ATP8A2: variants seen among roughly 807,000 people sequenced by gnomAD.
The protein encoded by ATP8A2 is phospholipid-transporting ATPase IB.
ATP8A2 carries 100 observed loss-of-function variants against 165.6 expected under a neutral mutation model. That is an observed-to-expected ratio of 0.60 (90% CI 0.51 to 0.71). The LOEUF is 0.71. Ranked by LOEUF, ATP8A2 falls within the 30% of genes least tolerant of loss-of-function variation. ATP8A2 has a pLI of 0.00. For synonymous variants in ATP8A2, 543 were observed against 548.8 expected, an observed-to-expected ratio of 0.99 and a Z score of 0.15; for missense variants, 1,227 against 1,479.5, an observed-to-expected ratio of 0.83 and a Z score of 2.80.
intron 2 of ATP8A2, among the ~76,000 whole-genome samples, chr13:25,499,833 G>A (rs2036795925): frequency 6.6e-6 from 1 of 152,148 alleles, no homozygotes; most frequent in Non-Finnish European, 1.5e-5. Flanking sequence ...GGAGACATAA[G>A]GAAAAGTTGG....
intron 24 of ATP8A2, among the ~76,000 whole-genome samples, chr13:25,603,027 G>A (rs1047111857): frequency 9.2e-5 from 14 of 152,066 alleles, no homozygotes; most frequent in South Asian, 2.1e-4. Flanking sequence ...AGCCGAGATC[G>A]TGCCACTGCA....
chr13:25,554,519 GTGTGTGTGTA>G lies in ATP8A2; in HGVS notation c.1186-462_1186-453del, dbSNP rs1337675475. ...CTATATAAATATAAATCATGTGTGT[GTGTGTGTGTA>G]TGTGTGTGTGTGTGTGTGTGTGTGT... On this transcript the variant is annotated intron_variant, in intron 12 of 36. Coordinates refer to ENST00000381655, the MANE Select transcript of ATP8A2 (RefSeq NM_016529.6). 3.3e-3 allele frequency among the ~76,000 whole-genome samples: 289 copies of G among 87,602 alleles called. 1 individual carries two copies. The highest frequency in any genetic ancestry group is 6.9e-3 in the African/African-American group (136 of 19,636). 57.5% of individuals were successfully genotyped at this position (87,602 alleles called of 152,430 possible).
At chr13:25,566,597 T>C (rs748417541) in intron 16 of ATP8A2, among the ~76,000 whole-genome samples, 6 of 152,152 alleles carry the variant, frequency 3.9e-5, no homozygotes, top group Non-Finnish European at 7.3e-5. Flanking sequence ...GAGCTTGCTT[T>C]CCTAGATCAA....
chr13:25,800,030 T>G (rs1243322903), intron 27 of ATP8A2, among the ~76,000 whole-genome samples: 1 of 152,244 alleles, frequency 6.6e-6, no homozygotes, highest in Non-Finnish European at 1.5e-5. Context: ...GGCCTTTTAA[T>G]GTACCGTCCA....
At chr13:25,581,467 G>A (rs534514532) in intron 22 of ATP8A2, among the ~76,000 whole-genome samples, 3 of 152,250 alleles carry the variant, frequency 2.0e-5, no homozygotes, top group African/African-American at 7.2e-5. Context: ...TTTGTTAAAT[G>A]TGACATAATA....
intron 1 of ATP8A2, among the ~76,000 whole-genome samples, chr13:25,407,744 G>A (rs1164782924): frequency 6.6e-6 from 1 of 152,190 alleles, no homozygotes; most frequent in Non-Finnish European, 1.5e-5. Flanking sequence ...GGATATTTGA[G>A]GGGTTAAGAA....
chr13:25,581,909 A>G lies in ATP8A2; in HGVS notation c.2098A>G (p.Lys700Glu). 1 of 1,613,922 alleles carries G rather than the reference A, an allele frequency of 6.2e-7. No individual in the cohort carries two copies. The highest frequency in any genetic ancestry group is 8.5e-7 in the Non-Finnish European group (1 of 1,179,788). ...TIATLLKAEI[K>E]IWVLTGDKQE... ...CGCAACACTGTTGAAGGCAGAAATT[A>G]AAATATGGGTGTTGACAGGAGACAA... The change falls in exon 23 of 37, where the codon AAA becomes GAA. Residue 700 changes from lysine (K) to glutamate (E), a missense_variant. Physicochemically the swap from Lys to Glu is moderately conservative, Grantham distance 56 (BLOSUM62 1). Transcript: ENST00000381655.
chr13:25,548,571 G>C (rs2138037719), intron 10 of ATP8A2, among the ~76,000 whole-genome samples: 1 of 152,308 alleles, frequency 6.6e-6, no homozygotes, highest in East Asian at 1.9e-4. Context: ...GACCAGTCCT[G>C]GACCTGGCCT....
At chr13:25,751,194 A>G (rs1301425908) in intron 25 of ATP8A2, among the ~76,000 whole-genome samples, 1 of 152,156 alleles carries the variant, frequency 6.6e-6, no homozygotes, top group Admixed American at 6.5e-5. Context: ...AACCTCGTCA[A>G]CAGATGCCCT....
chr13:25,471,666 A>G (rs980428309), intron 2 of ATP8A2, among the ~76,000 whole-genome samples: 4 of 152,222 alleles, frequency 2.6e-5, no homozygotes, highest in African/African-American at 9.7e-5. Context: ...TTTTAAGAGC[A>G]CTGATAATGG....
intron 1 of ATP8A2, among the ~76,000 whole-genome samples, chr13:25,401,818 C>G (rs1053602287): frequency 5.3e-5 from 8 of 152,064 alleles, no homozygotes; most frequent in Non-Finnish European, 1.0e-4. Flanking sequence ...TAAAATAGAA[C>G]AATGATAATA....
chr13:25,916,870 T>G (rs1322962475), intron 33 of ATP8A2, among the ~76,000 whole-genome samples: 1 of 152,180 alleles, frequency 6.6e-6, no homozygotes, highest in African/African-American at 2.4e-5. Context: ...TCTATTTATG[T>G]TTTTCTATAT....
chr13:25,469,209 C>A, intron 2 of ATP8A2, 88 bp downstream of exon 2: 2 of 1,475,358 alleles, frequency 1.4e-6, no homozygotes, highest in East Asian at 2.4e-5. Context: ...TGGCCGCGCA[C>A]CTGGCCGGCC....
intron 6 of ATP8A2, among the ~76,000 whole-genome samples, chr13:25,533,844 T>G (rs1367759084): frequency 6.6e-6 from 1 of 152,176 alleles, no homozygotes; most frequent in Non-Finnish European, 1.5e-5. Flanking sequence ...TTTATGGTGA[T>G]GAGTAGAAAA....
At chr13:25,530,453 A>G (rs911176988) in intron 3 of ATP8A2, 109 bp from the exon 4 acceptor site, 14 of 682,998 alleles carry the variant, frequency 2.0e-5, no homozygotes, top group South Asian at 2.0e-4. Flanking sequence ...AGTAACAGAA[A>G]TGGAACAGAA....
intron 35 of ATP8A2, among the ~76,000 whole-genome samples, chr13:25,998,365 T>G (rs528536020): frequency 6.6e-6 from 1 of 152,228 alleles, no homozygotes; most frequent in East Asian, 1.9e-4. Context: ...GAGAGCCTCA[T>G]AACAGTCTCC....
chr13:25,982,447 G>A (rs1410058126), intron 35 of ATP8A2, among the ~76,000 whole-genome samples: 2 of 152,152 alleles, frequency 1.3e-5, no homozygotes, highest in African/African-American at 2.4e-5. Context: ...CCATGTTGCC[G>A]GACAAATTGG....
At chr13:25,865,718 C>A (rs918104170) in intron 33 of ATP8A2, among the ~76,000 whole-genome samples, 10 of 152,152 alleles carry the variant, frequency 6.6e-5, no homozygotes, top group African/African-American at 2.2e-4. Flanking sequence ...GTCAGGAAGT[C>A]CCAGTGGAAG....
intron 27 of ATP8A2, among the ~76,000 whole-genome samples, chr13:25,778,364 A>C (rs2044789537): frequency 6.6e-6 from 1 of 152,230 alleles, no homozygotes; most frequent in Admixed American, 6.5e-5. Flanking sequence ...GCCGCATAAA[A>C]TTCAAGCCAA....
Sources: allele counts gnomAD v4.1 joint callset (sites outside exome capture counted in the v4.1 genomes callset), GRCh38; gene constraint gnomAD v4.1.1; transcripts MANE v1.5; gene names NCBI Gene and HGNC (gene_info 2026-07-23, HGNC 2026-07-21).